PER2: variants seen among roughly 807,000 people sequenced by gnomAD.
PER2 encodes period circadian regulator 2.
A neutral mutation model predicts 121.0 loss-of-function variants in PER2; 66 were observed. The ratio of observed to expected loss-of-function variants is 0.55; its 90% CI spans 0.45 to 0.67. PER2 has a LOEUF of 0.67. Ranked by LOEUF, PER2 falls within the 30% of genes least tolerant of loss-of-function variation. The probability of loss-of-function intolerance (pLI) is 0.00; values close to 1 mark genes in which losing one functional copy is unlikely to be tolerated. For synonymous variants in PER2, 684 were observed against 659.9 expected, an observed-to-expected ratio of 1.04 and a Z score of -0.56; for missense variants, 1,521 against 1,635.0, an observed-to-expected ratio of 0.93 and a Z score of 1.20.
intron 13 of PER2, 66 bp downstream of exon 13, chr2:238,260,762 G>A (rs1310640384): frequency 1.3e-6 from 2 of 1,584,132 alleles, no homozygotes; most frequent in Admixed American, 1.7e-5. Context: ...TGTCTTGAGT[G>A]TGCTTTTTAA....
Position 238,257,815 on chromosome 2 carries a change from T to C in PER2, c.1900+461A>G, listed in dbSNP as rs1347643875. ...TCCTGGTGGTGAACATCAGCAACACTGACAGCGTTGTGTTAAGCAGCCTGG... is the reference window on the plus strand; with the variant it reads ...TCCTGGTGGTGAACATCAGCAACACCGACAGCGTTGTGTTAAGCAGCCTGG... On this transcript the variant is annotated intron_variant, in intron 16 of 22. Coordinates refer to ENST00000254657, the MANE Select transcript of PER2 (RefSeq NM_022817.3). Among the ~76,000 whole-genome samples the C allele has an allele frequency of 3.9e-5, 6 of 152,354 alleles. No individual in the cohort carries two copies. The East Asian group carries it at 1.2e-3, about 29-fold the overall frequency.
the PER2 span, among the ~76,000 whole-genome samples, chr2:238,295,104 T>G: frequency 6.6e-6 from 1 of 152,214 alleles, no homozygotes; most frequent in South Asian, 2.1e-4. Flanking sequence ...TTTCCTTTGG[T>G]GTTTGGGTGT....
chr2:238,274,133 A>C (rs1342193658), intron 4 of PER2, among the ~76,000 whole-genome samples: 3 of 152,248 alleles, frequency 2.0e-5, no homozygotes, highest in Non-Finnish European at 4.4e-5. Context: ...GAAAGTTTTC[A>C]AAATAGAATC....
At chr2:238,251,510 T>C (rs1245925359) in intron 20 of PER2, 89 bp downstream of exon 20, 3 of 1,236,728 alleles carry the variant, frequency 2.4e-6, no homozygotes, top group Non-Finnish European at 3.6e-6. Flanking sequence ...TGATCCCTGT[T>C]CTGAGCACAG....
At position 238,245,003 on chromosome 2, in the gene PER2, C is replaced by A. The variant is rs1483360699; in HGVS notation, c.*1372G>T. 1 of 130,542 alleles carries A rather than the reference C, an allele frequency of 7.7e-6. No individual in the cohort carries two copies. Among genetic ancestry groups the A allele is most frequent in the Non-Finnish European group, 1.6e-5 (1 of 64,190 alleles). 8.1% of individuals were successfully genotyped at this position (130,542 alleles called of 1,614,324 possible). A position where few individuals can be genotyped will look rare whatever the true frequency, so the allele number is the denominator to read the frequency against. On this transcript the variant is annotated 3_prime_UTR_variant, in exon 23 of 23. Coordinates refer to ENST00000254657, the MANE Select transcript of PER2 (RefSeq NM_022817.3). ...CAGAGGTTGCAGTGAGCCAAGATGG[C>A]GCCACTGCACTCCAGCCTGGGCAAA...
chr2:238,248,405 C>T (rs576902520), intron 22 of PER2, among the ~76,000 whole-genome samples: 4 of 152,050 alleles, frequency 2.6e-5, no homozygotes, highest in Admixed American at 1.3e-4. Context: ...CCTGAGAGCA[C>T]GCCAGCAGGA....
intron 6 of PER2, among the ~76,000 whole-genome samples, chr2:238,270,903 T>C (rs1696262957): frequency 6.6e-6 from 1 of 152,172 alleles, no homozygotes; most frequent in Non-Finnish European, 1.5e-5. Context: ...CCTCAGGAAG[T>C]CACTCTGGGA....
upstream of PER2, among the ~76,000 whole-genome samples, chr2:238,292,297 G>A (rs75377621): frequency 0.018 from 2,744 of 152,348 alleles, 102 homozygotes; most frequent in African/African-American, 0.064. Flanking sequence ...GTGCACACAC[G>A]TGTTCTCATA....
chr2:238,257,821 C>T (rs956535952), intron 16 of PER2, among the ~76,000 whole-genome samples: 2 of 152,208 alleles, frequency 1.3e-5, no homozygotes, highest in East Asian at 1.9e-4. Context: ...ACACTGACAG[C>T]GTTGTGTTAA....
chr2:238,252,947 T>C lies in PER2; in HGVS notation c.3076A>G (p.Thr1026Ala), dbSNP rs745327140. Residue 1026 changes from threonine (T) to alanine (A), a missense_variant, in exon 19 of 23, where the codon ACT becomes GCT. Transcript: ENST00000254657. This position sits in a 1 kb window ranked among gnomAD's most constrained non-coding sequence, Gnocchi z 4.2. ...GCCTTCGGCTGCTGGTCCCGAGAAGTGCCAGGTTTGCAGTCCGCCCCTACA... is the reference window on the plus strand; with the variant it reads ...GCCTTCGGCTGCTGGTCCCGAGAAGCGCCAGGTTTGCAGTCCGCCCCTACA... ...AAVGADCKPG[T>A]SRDQQPKAPL... The C allele has an allele frequency of 6.2e-7, 1 of 1,613,798 alleles. No individual in the cohort carries two copies. The highest frequency in any genetic ancestry group is 1.1e-5 in the South Asian group (1 of 91,056).
At chr2:238,251,491 G>A (rs552227894) in intron 20 of PER2, 108 bp downstream of exon 20, 1 of 974,944 alleles carries the variant, frequency 1.0e-6, no homozygotes, top group African/African-American at 1.6e-5. Context: ...GCTGCTTGGG[G>A]AGTGCCGGTG....
At chr2:238,281,461 C>A (rs538706019) in intron 1 of PER2, among the ~76,000 whole-genome samples, 1 of 152,146 alleles carries the variant, frequency 6.6e-6, no homozygotes, top group African/African-American at 2.4e-5. Context: ...AAGTCAGGAA[C>A]AAAATAAGCA....
chr2:238,253,601 A>T lies in PER2; in HGVS notation c.2422T>A (p.Ser808Thr). ...KSKRVKPRDS[S>T]ESTGSGGPVS... ...GGCCCCCCAGATCCGGTGCTCTCAGATGAGTCTCGAGGTTTGACCCGCTTG... is the reference window on the plus strand; with the variant it reads ...GGCCCCCCAGATCCGGTGCTCTCAGTTGAGTCTCGAGGTTTGACCCGCTTG... Residue 808 changes from serine to threonine, a missense_variant, in exon 19 of 23, where the codon TCT becomes ACT. Physicochemically the swap from Ser to Thr is moderately conservative, Grantham distance 58. Coordinates refer to ENST00000254657, the MANE Select transcript of PER2 (RefSeq NM_022817.3). This position sits in a 1 kb window ranked among gnomAD's most constrained non-coding sequence, Gnocchi z 5.6. The T allele has an allele frequency of 6.2e-7, 1 of 1,610,170 alleles. No individual in the cohort carries two copies.
intron 1 of PER2, among the ~76,000 whole-genome samples, chr2:238,286,509 G>C (rs189293317): frequency 6.6e-6 from 1 of 152,156 alleles, no homozygotes; most frequent in Non-Finnish European, 1.5e-5. Context: ...CCCTAGGGGG[G>C]AGTGCGTGGG....
Position 238,251,759 on chromosome 2 carries a change from A to T in PER2, c.3114T>A (p.Arg1038=), listed in dbSNP as rs1695608831. Residue 1038 remains arginine (R), a splice_region_variant and synonymous_variant, in exon 20 of 23, where the codon CGT becomes CGA. Coordinates refer to ENST00000254657, the MANE Select transcript of PER2 (RefSeq NM_022817.3). ...TGTTCTGTGTGTCTGAGGGTTCATC[A>T]CGCTTTAGGGACAGGAAGCAGATAC... is the stretch of plus-strand genomic sequence containing the variant. ...RDQQPKAPLT[R]DEPSDTQNSD... The T allele has an allele frequency of 6.6e-7, 1 of 1,509,406 alleles. No homozygotes were observed. The highest frequency in any genetic ancestry group is 1.4e-5 in the African/African-American group (1 of 70,296). The allele number at this position is 1,509,406 out of a possible 1,614,324, so 93.5% of individuals were successfully genotyped here.
intron 22 of PER2, among the ~76,000 whole-genome samples, chr2:238,248,729 C>T (rs1413767035): frequency 8.0e-5 from 12 of 150,352 alleles, no homozygotes; most frequent in African/African-American, 2.7e-4. Context: ...CATCTTGGCT[C>T]CCTGCAAGCT....
At chr2:238,259,522 G>A (rs904699941) in intron 14 of PER2, among the ~76,000 whole-genome samples, 1 of 152,268 alleles carries the variant, frequency 6.6e-6, no homozygotes, top group Non-Finnish European at 1.5e-5. Flanking sequence ...TGGTTTGAGT[G>A]TATGTGGATG....
chr2:238,256,040 T>C, intron 17 of PER2, 129 bp from the exon 18 acceptor site: 1 of 1,180,720 alleles, frequency 8.5e-7, no homozygotes, highest in South Asian at 1.3e-5. Flanking sequence ...GGCATGAGGA[T>C]GAGACTCACA....
At chr2:238,260,707 GC>G in intron 13 of PER2, 120 bp downstream of exon 13, 2 of 1,083,518 alleles carry the variant, frequency 1.8e-6, no homozygotes, top group East Asian at 4.7e-5. Context: ...TAGAAAGGAA[GC>G]AGCAACAGCT....
Sources: allele counts gnomAD v4.1 joint callset (sites outside exome capture counted in the v4.1 genomes callset), GRCh38; gene constraint gnomAD v4.1.1; non-coding constraint Gnocchi (gnomAD v3.1); transcripts MANE v1.5; gene names NCBI Gene and HGNC (gene_info 2026-07-23, HGNC 2026-07-21).